Variants in MAF observed in about 807,000 individuals in gnomAD.
The protein encoded by MAF is transcription factor Maf.
MAF carries 10 observed loss-of-function variants against 22.0 expected under a neutral mutation model. The ratio of observed to expected loss-of-function variants is 0.45; its 90% confidence interval spans 0.28 to 0.77. MAF has a LOEUF of 0.77. MAF is among the 30% of genes least tolerant of loss of function. MAF has a pLI of 0.12. For missense variants in MAF, 544 were observed against 548.4 expected (o/e 0.99, Z 0.08); for synonymous variants, 337 against 255.8 (o/e 1.32, Z -3.03).
chr16:79,554,434 G>C, the MAF span, among the ~76,000 whole-genome samples: 2 of 152,172 alleles, frequency 1.3e-5, no homozygotes, highest in Non-Finnish European at 2.9e-5. Context: ...CAGAGGAAAA[G>C]ACTCAAGAGA....
the MAF span, among the ~76,000 whole-genome samples, chr16:79,315,278 A>G: frequency 6.6e-6 from 1 of 152,146 alleles, no homozygotes; most frequent in African/African-American, 2.4e-5. Context: ...TAAGTGTACA[A>G]AGAAAAATGA....
chr16:79,232,791 C>A, the MAF span, among the ~76,000 whole-genome samples: 1 of 151,322 alleles, frequency 6.6e-6, no homozygotes, highest in Non-Finnish European at 1.5e-5. Context: ...AATAATGGCC[C>A]AGTTTAATAA....
chr16:79,502,684 AATATAAATATAAAT>A, the MAF span, among the ~76,000 whole-genome samples: 271 of 17,700 alleles, frequency 0.015, 8 homozygotes, highest in African/African-American at 0.028. Context: ...AATAAATATA[AATATAAATATAAAT>A]ATAAATATAA....
the MAF span, among the ~76,000 whole-genome samples, chr16:79,317,231 C>T: frequency 4.7e-5 from 7 of 148,968 alleles, no homozygotes; most frequent in African/African-American, 1.7e-4. Context: ...ATCTCTCCCT[C>T]CCTCCTTTCT....
chr16:79,445,008 T>C, the MAF span, among the ~76,000 whole-genome samples: 50 of 152,246 alleles, frequency 3.3e-4, no homozygotes, highest in African/African-American at 1.1e-3. Context: ...AAAAAATACA[T>C]TGAAACACAT....
At chr16:79,422,241 G>C in the MAF span, among the ~76,000 whole-genome samples, 1 of 152,168 alleles carries the variant, frequency 6.6e-6, no homozygotes, top group Non-Finnish European at 1.5e-5. Context: ...ACCTTATTCA[G>C]CATATTTCAT....
At chr16:79,402,073 G>C in the MAF span, among the ~76,000 whole-genome samples, 2 of 152,178 alleles carry the variant, frequency 1.3e-5, no homozygotes, top group African/African-American at 4.8e-5. Flanking sequence ...AAGAATGGGA[G>C]GTTCAATTCA....
the MAF span, among the ~76,000 whole-genome samples, chr16:79,347,710 G>C: frequency 6.6e-6 from 1 of 152,158 alleles, no homozygotes; most frequent in Non-Finnish European, 1.5e-5. Context: ...CAGAGGGGTT[G>C]AACTGGCAGG....
At chr16:79,598,019 A>ATT (rs34194845) in intron 1 of MAF, 53 of 1,037,576 alleles carry the variant, frequency 5.1e-5, no homozygotes, top group South Asian at 1.4e-4. Context: ...GTTCATGAGG[A>ATT]TTTTTTTCTC....
At chr16:79,387,226 C>A in the MAF span, among the ~76,000 whole-genome samples, 1 of 152,178 alleles carries the variant, frequency 6.6e-6, no homozygotes, top group African/African-American at 2.4e-5. Context: ...TGAAGGGGGC[C>A]TGGGTGCTGC....
chr16:79,573,857 A>C, the MAF span, among the ~76,000 whole-genome samples: 1,136 of 152,344 alleles, frequency 7.5e-3, 14 homozygotes, highest in African/African-American at 0.026. Context: ...AACCTAGAAC[A>C]AAGTTAAGAG....
chr16:79,512,382 C>T, the MAF span, among the ~76,000 whole-genome samples: 6 of 152,278 alleles, frequency 3.9e-5, no homozygotes, highest in South Asian at 1.2e-3. Flanking sequence ...CAGCTTTGCC[C>T]ATCTGCACAT....
chr16:79,205,955 A>C, the MAF span: 5 of 152,114 alleles, frequency 3.3e-5, no homozygotes, highest in Admixed American at 3.3e-4. Context: ...TTCTATCATC[A>C]AAGAGTAGGT....
the MAF span, among the ~76,000 whole-genome samples, chr16:79,426,620 C>A: frequency 1.3e-5 from 2 of 152,192 alleles, no homozygotes; most frequent in Non-Finnish European, 1.5e-5. Flanking sequence ...AAACAGAACA[C>A]AGATTCCCCG....
the MAF span, among the ~76,000 whole-genome samples, chr16:79,265,643 G>A: frequency 6.6e-6 from 1 of 152,156 alleles, no homozygotes; most frequent in African/African-American, 2.4e-5. Flanking sequence ...AGAACAATTA[G>A]AACTATATAC....
At chr16:79,244,792 G>C in the MAF span, among the ~76,000 whole-genome samples, 1 of 152,016 alleles carries the variant, frequency 6.6e-6, no homozygotes, top group Non-Finnish European at 1.5e-5. Context: ...AAAGCTGGAG[G>C]CATCATGCTA....
chr16:79,313,405 A>G, the MAF span, among the ~76,000 whole-genome samples: 1 of 152,174 alleles, frequency 6.6e-6, no homozygotes, highest in Non-Finnish European at 1.5e-5. Context: ...CAACAGTAAA[A>G]GGCCAGTCAT....
chr16:79,368,804 TG>T, the MAF span, among the ~76,000 whole-genome samples: 1 of 152,198 alleles, frequency 6.6e-6, no homozygotes, highest in Non-Finnish European at 1.5e-5. Context: ...CTTTAGTCTT[TG>T]CTCAAAGGTC....
the MAF span, among the ~76,000 whole-genome samples, chr16:79,241,854 A>G: frequency 1.3e-5 from 2 of 152,212 alleles, no homozygotes; most frequent in Non-Finnish European, 2.9e-5. Context: ...CTCTGCAAAA[A>G]CACTACAAGC....
Sources: allele counts gnomAD v4.1 joint callset (sites outside exome capture counted in the v4.1 genomes callset), GRCh38; gene constraint gnomAD v4.1.1; transcripts MANE v1.5; gene names NCBI Gene and HGNC (gene_info 2026-07-23, HGNC 2026-07-21).